Variants in HOMER1 observed in about 807,000 individuals in gnomAD.
HOMER1 encodes homer protein homolog 1.
HOMER1 carries 3 observed loss-of-function variants against 48.9 expected under a neutral mutation model. The ratio of observed to expected loss-of-function variants is 0.06; its 90% CI spans 0.03 to 0.16. The LOEUF (loss-of-function observed/expected upper bound fraction) is 0.16. HOMER1 is among the 10% of genes least tolerant of loss of function. The pLI, the probability that HOMER1 is intolerant of heterozygous loss-of-function variation, is 1.00. For missense variants in HOMER1, 247 were observed against 411.4 expected, an observed-to-expected ratio of 0.60 and a Z score of 3.46; for synonymous variants, 134 against 146.4, an observed-to-expected ratio of 0.92 and a Z score of 0.61.
At chr5:79,503,039 G>C (rs1278080024) in intron 1 of HOMER1, among the ~76,000 whole-genome samples, 2 of 151,998 alleles carry the variant, frequency 1.3e-5, no homozygotes, top group Non-Finnish European at 2.9e-5. Flanking sequence ...TGCCCGCCTT[G>C]GCCTCCCAAA....
At chr5:79,467,726 A>G (rs1751511301) in intron 1 of HOMER1, among the ~76,000 whole-genome samples, 1 of 152,166 alleles carries the variant, frequency 6.6e-6, no homozygotes, top group Admixed American at 6.6e-5. Flanking sequence ...TCTAGTTCTT[A>G]TTGACAATGC....
At chr5:79,454,201 T>G (rs927761068) in intron 2 of HOMER1, among the ~76,000 whole-genome samples, 10 of 152,238 alleles carry the variant, frequency 6.6e-5, no homozygotes, top group Non-Finnish European at 4.4e-5. Flanking sequence ...CAAAGTATTT[T>G]AATCTGGTGA....
rs77188429 is a variant in HOMER1 at position 79,449,890 on chromosome 5, C to T, written c.294+1100G>A. 2.3e-4 allele frequency among the ~76,000 whole-genome samples: 35 copies of T among 152,112 alleles called. No homozygotes were observed. The East Asian group carries it at 6.7e-3, about 29-fold the overall frequency. On this transcript the variant is annotated intron_variant, in intron 3 of 8. Transcript: ENST00000334082. ...ATTCATATCCAAAAGATAACAAAAACACTTGAAAACAGTGTTAAGAAATGT... is the reference window on the plus strand; with the variant it reads ...ATTCATATCCAAAAGATAACAAAAATACTTGAAAACAGTGTTAAGAAATGT...
chr5:79,478,967 A>T (rs1389258967), intron 1 of HOMER1, among the ~76,000 whole-genome samples: 1 of 152,210 alleles, frequency 6.6e-6, no homozygotes, highest in African/African-American at 2.4e-5. Context: ...GAAAAGCTGG[A>T]TTCCATAAAA....
At chr5:79,441,201 G>A (rs928686004) in intron 4 of HOMER1, among the ~76,000 whole-genome samples, 2 of 151,992 alleles carry the variant, frequency 1.3e-5, no homozygotes, top group African/African-American at 4.8e-5. Flanking sequence ...TAAACTTAAA[G>A]GGCATAACTA....
intron 1 of HOMER1, among the ~76,000 whole-genome samples, chr5:79,461,702 A>G (rs1164246143): frequency 1.3e-5 from 2 of 152,158 alleles, no homozygotes; most frequent in African/African-American, 4.8e-5. Flanking sequence ...TCTGAGGTAA[A>G]TATCTCACTG....
chr5:79,501,594 C>A (rs73770439), intron 1 of HOMER1, among the ~76,000 whole-genome samples: 2 of 152,016 alleles, frequency 1.3e-5, no homozygotes, highest in Admixed American at 1.3e-4. Flanking sequence ...AATGAACTCA[C>A]CTATAAGAAA....
chr5:79,437,315 G>T (rs1252632669), intron 5 of HOMER1, among the ~76,000 whole-genome samples: 1 of 152,136 alleles, frequency 6.6e-6, no homozygotes, highest in Non-Finnish European at 1.5e-5. Flanking sequence ...TTTTAAGTCT[G>T]TTTATTAAAT....
At chr5:79,468,360 T>G (rs980810162) in intron 1 of HOMER1, among the ~76,000 whole-genome samples, 1 of 152,226 alleles carries the variant, frequency 6.6e-6, no homozygotes, top group Non-Finnish European at 1.5e-5. Context: ...CAAATTGAGA[T>G]GTGCTCTAAA....
intron 1 of HOMER1, among the ~76,000 whole-genome samples, chr5:79,473,170 T>C (rs562742757): frequency 1.6e-4 from 24 of 152,282 alleles, no homozygotes; most frequent in African/African-American, 5.3e-4. Context: ...AGATAAATAA[T>C]AGCCCAACCA....
Position 79,416,749 on chromosome 5 carries a change from CT to C in HOMER1, c.528-14695del, listed in dbSNP as rs1749953921. Among the ~76,000 whole-genome samples, 8 of 152,326 alleles carry C rather than the reference CT, an allele frequency of 5.3e-5. No individual in the cohort carries two copies. In the South Asian group the frequency reaches 1.7e-3, roughly 32 times the overall value. The stretch of plus-strand genomic sequence containing the variant: ...AGAGCCACAGGAGGTCCCAGTTTCA[CT>C]TCCACTTTGTATCCTCGCTGCTGGT... On this transcript the variant is annotated intron_variant, in intron 5 of 8. Transcript: ENST00000334082.
At chr5:79,469,074 TA>T (rs1751552867) in intron 1 of HOMER1, among the ~76,000 whole-genome samples, 1 of 152,164 alleles carries the variant, frequency 6.6e-6, no homozygotes, top group Admixed American at 6.5e-5. Flanking sequence ...TCTAACCACA[TA>T]AAGGTAAATT....
At chr5:79,508,741 C>A (rs919026715) in intron 1 of HOMER1, among the ~76,000 whole-genome samples, 1 of 152,222 alleles carries the variant, frequency 6.6e-6, no homozygotes, top group African/African-American at 2.4e-5. Context: ...TAATGCCCCC[C>A]CAACACACAC....
At chr5:79,380,648 C>A (rs1000074143) in intron 8 of HOMER1, among the ~76,000 whole-genome samples, 1 of 152,192 alleles carries the variant, frequency 6.6e-6, no homozygotes, top group Non-Finnish European at 1.5e-5. Context: ...CCTGCACATA[C>A]CATCAGGGGG....
In HOMER1 at chr5:79,425,387, A is replaced by G. The variant is rs535557788; in HGVS notation, c.527+13623T>C. Among the ~76,000 whole-genome samples the G allele has an allele frequency of 5.0e-5, 7 of 139,834 alleles. No homozygotes were observed. The South Asian group carries it at 1.4e-3, about 28-fold the overall frequency. The allele number at this position is 139,834 out of a possible 152,430, so 91.7% of individuals were successfully genotyped here. ...AAATGTTCAAGCAGAAAATTTTTAAAAAGTGGTAACAGGGGAAAGGGAGGA... is the reference window on the plus strand; with the variant it reads ...AAATGTTCAAGCAGAAAATTTTTAAGAAGTGGTAACAGGGGAAAGGGAGGA... On this transcript the variant is annotated intron_variant, in intron 5 of 8. Transcript: ENST00000334082.
intron 4 of HOMER1, among the ~76,000 whole-genome samples, chr5:79,446,145 G>C (rs1046780068): frequency 1.3e-5 from 2 of 152,092 alleles, no homozygotes; most frequent in African/African-American, 4.8e-5. Context: ...AGCCAATCCA[G>C]AGCCATACCT....
intron 1 of HOMER1, among the ~76,000 whole-genome samples, chr5:79,505,714 G>C (rs903912108): frequency 1.3e-5 from 2 of 152,108 alleles, no homozygotes; most frequent in Non-Finnish European, 2.9e-5. Context: ...AAAATGAAAA[G>C]GTAAGTGTAC....
intron 1 of HOMER1, among the ~76,000 whole-genome samples, chr5:79,472,498 C>T (rs930679580): frequency 2.0e-5 from 3 of 152,006 alleles, no homozygotes; most frequent in Admixed American, 6.6e-5. Context: ...AGCCCTAGGC[C>T]AGGCGTGGTG....
At chr5:79,502,404 C>CA (rs1386533171) in intron 1 of HOMER1, among the ~76,000 whole-genome samples, 1 of 152,088 alleles carries the variant, frequency 6.6e-6, no homozygotes, top group African/African-American at 2.4e-5. Flanking sequence ...TTAATACCCT[C>CA]ACCCTTAAAA....
Sources: gnomAD v4.1 joint callset for allele counts (sites outside exome capture counted in the v4.1 genomes callset) on GRCh38, gnomAD v4.1.1 for gene constraint, MANE v1.5 for transcripts, NCBI Gene and HGNC (gene_info 2026-07-23, HGNC 2026-07-21) for gene names.